Variants in GALNT17 observed in about 807,000 individuals in gnomAD.
The protein encoded by GALNT17 is polypeptide N-acetylgalactosaminyltransferase 17.
Under a neutral mutation model 63.7 loss-of-function variants are expected in GALNT17, and 29 were observed. The observed-to-expected ratio is 0.46, with a 90% confidence interval of 0.34 to 0.62. The LOEUF (loss-of-function observed/expected upper bound fraction) is 0.62. GALNT17 is among the 20% of genes least tolerant of loss of function. GALNT17 has a pLI of 0.01. For synonymous variants in GALNT17, 305 were observed against 318.3 expected, an observed-to-expected ratio of 0.96 and a Z score of 0.45; for missense variants, 603 against 799.6, an observed-to-expected ratio of 0.75 and a Z score of 2.97.
At chr7:71,482,079 A>ATG (rs371371505) in intron 5 of GALNT17, among the ~76,000 whole-genome samples, 51,261 of 136,560 alleles carry the variant, frequency 0.38, 10,390 homozygotes, top group Non-Finnish European at 0.49. Context: ...ACATATATGT[A>ATG]TATGTGTGTG....
At chr7:71,621,310 C>A (rs774744371) in intron 6 of GALNT17, among the ~76,000 whole-genome samples, 1 of 152,076 alleles carries the variant, frequency 6.6e-6, no homozygotes, top group Non-Finnish European at 1.5e-5. Flanking sequence ...ACTTCATTAG[C>A]TTTCTTCTGT....
At chr7:71,673,108 T>C (rs1243153840) in intron 8 of GALNT17, among the ~76,000 whole-genome samples, 1 of 152,076 alleles carries the variant, frequency 6.6e-6, no homozygotes, top group East Asian at 1.9e-4. Flanking sequence ...TGAGTGCAAA[T>C]TGAAACAAGC....
chr7:71,363,418 C>T (rs1170186738), intron 2 of GALNT17, among the ~76,000 whole-genome samples: 1 of 152,214 alleles, frequency 6.6e-6, no homozygotes, highest in African/African-American at 2.4e-5. Flanking sequence ...CTTTTGCAAA[C>T]ACACGTTGTG....
At chr7:71,567,005 C>G (rs1402226816) in intron 5 of GALNT17, among the ~76,000 whole-genome samples, 1 of 152,172 alleles carries the variant, frequency 6.6e-6, no homozygotes, top group East Asian at 1.9e-4. Flanking sequence ...GCGTGTGAGC[C>G]TATTGAGTTC....
rs1014676269 is a variant in GALNT17 at position 71,606,737 on chromosome 7, T to A, written c.1080+35335T>A. On this transcript the variant is annotated intron_variant, in intron 6 of 10. Transcript: ENST00000333538. ...TGTCAGCATTAGCCATCATCAAGTCTTGTTCCTGCCCACATATGTGCTGGC... is the reference window on the plus strand; with the variant it reads ...TGTCAGCATTAGCCATCATCAAGTCATGTTCCTGCCCACATATGTGCTGGC... Among the ~76,000 whole-genome samples, 7 of 152,222 alleles carry A rather than the reference T, an allele frequency of 4.6e-5. No homozygotes were observed. In the East Asian group the frequency reaches 1.3e-3, roughly 29 times the overall value.
At chr7:71,323,442 C>T (rs980647787) in intron 1 of GALNT17, among the ~76,000 whole-genome samples, 2 of 152,132 alleles carry the variant, frequency 1.3e-5, no homozygotes, top group African/African-American at 4.8e-5. Context: ...ACTTAGGGAA[C>T]ATTTTACTCC....
At chr7:71,572,988 GT>G (rs1462442839) in intron 6 of GALNT17, among the ~76,000 whole-genome samples, 1 of 151,792 alleles carries the variant, frequency 6.6e-6, no homozygotes, top group Non-Finnish European at 1.5e-5. Flanking sequence ...CCTATTTTTT[GT>G]TTTTTTATTT....
At chr7:71,315,720 G>A (rs757422719) in intron 1 of GALNT17, among the ~76,000 whole-genome samples, 7 of 152,144 alleles carry the variant, frequency 4.6e-5, no homozygotes, top group Non-Finnish European at 7.3e-5. Flanking sequence ...AGGTTCTTCC[G>A]CAAGAGTTGG....
At chr7:71,260,611 CT>C (rs55738020) in intron 1 of GALNT17, among the ~76,000 whole-genome samples, 10 of 146,994 alleles carry the variant, frequency 6.8e-5, no homozygotes, top group Admixed American at 1.4e-4. Context: ...TTTTTTTAAT[CT>C]TTTTTTTTTT....
At chr7:71,656,170 T>C (rs1016720306) in intron 6 of GALNT17, among the ~76,000 whole-genome samples, 7 of 152,094 alleles carry the variant, frequency 4.6e-5, no homozygotes, top group African/African-American at 1.7e-4. Flanking sequence ...TCTGTCCTCA[T>C]TGAGGTAACA....
intron 2 of GALNT17, among the ~76,000 whole-genome samples, chr7:71,354,393 A>G (rs1170769805): frequency 1.3e-5 from 2 of 152,184 alleles, no homozygotes; most frequent in East Asian, 1.9e-4. Context: ...GAAAGTATTC[A>G]TTAGTTTTAA....
intron 1 of GALNT17, among the ~76,000 whole-genome samples, chr7:71,185,084 C>T (rs1788822476): frequency 7.0e-6 from 1 of 142,872 alleles, no homozygotes; most frequent in African/African-American, 2.7e-5. Flanking sequence ...TCTCCTCCTC[C>T]TTCCTTCTTC....
chr7:71,253,821 A>G (rs1200256765), intron 1 of GALNT17, among the ~76,000 whole-genome samples: 2 of 152,196 alleles, frequency 1.3e-5, no homozygotes, highest in Admixed American at 6.5e-5. Flanking sequence ...AGTGTGCCCA[A>G]GGTTTTGGAT....
intron 1 of GALNT17, among the ~76,000 whole-genome samples, chr7:71,328,604 A>G (rs1043570445): frequency 2.0e-5 from 3 of 151,960 alleles, no homozygotes; most frequent in Non-Finnish European, 4.4e-5. Context: ...ATCTTTGCCA[A>G]CAGTTTCTGG....
chr7:71,662,344 G>A (rs1019231005), intron 6 of GALNT17, among the ~76,000 whole-genome samples: 2 of 134,832 alleles, frequency 1.5e-5, no homozygotes, highest in South Asian at 2.9e-4. Context: ...CTGTCTGTCT[G>A]TCTGTCTGTC....
intron 5 of GALNT17, among the ~76,000 whole-genome samples, chr7:71,544,821 G>A (rs1304873107): frequency 6.7e-6 from 1 of 149,344 alleles, no homozygotes; most frequent in Non-Finnish European, 1.5e-5. Context: ...ATCATTTTGT[G>A]CAAGTTTCTT....
Position 71,175,551 on chromosome 7 carries a change from TAAAG to T in GALNT17, c.238+42514_238+42517del, listed in dbSNP as rs531864930. Among the ~76,000 whole-genome samples the T allele has an allele frequency of 2.7e-3, 409 of 152,114 alleles. 3 individuals are homozygous for T. Among genetic ancestry groups the T allele is most frequent in the African/African-American group, 8.9e-3 (371 of 41,496 alleles). ...TCTGGGAGGAACATGGAGGATGAAA[TAAAG>T]AAGGAAGGGAATGGAGTTTGGGAAG... On this transcript the variant is annotated intron_variant, in intron 1 of 10. Coordinates refer to ENST00000333538, the MANE Select transcript of GALNT17 (RefSeq NM_022479.3).
intron 6 of GALNT17, among the ~76,000 whole-genome samples, chr7:71,605,634 G>A (rs1441807603): frequency 1.3e-5 from 2 of 151,210 alleles, no homozygotes; most frequent in African/African-American, 4.9e-5. Context: ...TGTTCTCAAA[G>A]GAGAAAACAA....
chr7:71,148,967 T>C (rs899087695), intron 1 of GALNT17, among the ~76,000 whole-genome samples: 1 of 151,420 alleles, frequency 6.6e-6, no homozygotes, highest in Non-Finnish European at 1.5e-5. Context: ...AGTCTTGCTC[T>C]GTCGCCTAGG....
Sources: gnomAD v4.1 joint callset for allele counts (sites outside exome capture counted in the v4.1 genomes callset) on GRCh38, gnomAD v4.1.1 for gene constraint, MANE v1.5 for transcripts, NCBI Gene and HGNC (gene_info 2026-07-23, HGNC 2026-07-21) for gene names.